Variants in MGA observed in about 807,000 individuals in gnomAD.
MGA encodes MAX gene-associated protein.
Under a neutral mutation model 261.1 loss-of-function variants are expected in MGA, and 40 were observed. The observed-to-expected ratio is 0.15, with a 90% CI of 0.12 to 0.20. The LOEUF is 0.20. Ranked by LOEUF, MGA falls within the 10% of genes least tolerant of loss-of-function variation. The pLI is 1.00. For synonymous variants in MGA, 1,302 were observed against 1,290.6 expected, an observed-to-expected ratio of 1.01 and a Z score of -0.19; for missense variants, 3,397 against 3,630.5, an observed-to-expected ratio of 0.94 and a Z score of 1.65.
rs1220927974 is a variant in MGA, at chr15:41,742,701, G to C, written c.4741G>C (p.Val1581Leu). ...TTCTCCAGTAATGGTCGTCACACCT[G>C]TGGTTTCTTCTGAGCCAGTTCAGGT... is the stretch of plus-strand genomic sequence containing the variant. Residue 1581 changes from valine (V) to leucine (L), a missense_variant, in exon 15 of 24, where the codon GTG becomes CTG. Val to Leu is a conservative substitution (Grantham distance 32, BLOSUM62 1). This residue lies in a region of MGA where 1,410 missense variants were observed against 1,386.4 expected (regional missense o/e 1.02). Transcript: ENST00000219905. 1 of 1,614,002 alleles carries C rather than the reference G, an allele frequency of 6.2e-7. No individual in the cohort carries two copies.
At chr15:41,698,303 G>A (rs1343519555) in intron 3 of MGA, among the ~76,000 whole-genome samples, 2 of 151,320 alleles carry the variant, frequency 1.3e-5, no homozygotes, top group Non-Finnish European at 2.9e-5. Context: ...CGAGTAGCTG[G>A]GACTACAGGT....
At chr15:41,723,383 G>A (rs1423072718) in intron 9 of MGA, among the ~76,000 whole-genome samples, 1 of 152,062 alleles carries the variant, frequency 6.6e-6, no homozygotes, top group Non-Finnish European at 1.5e-5. Context: ...GCCAATGATG[G>A]TCCTGGTTTT....
In MGA at chr15:41,696,728, T is replaced by G. The variant is rs1309481091; in HGVS notation, c.1718T>G (p.Val573Gly). ...ATACTCGACGATTCAAAGGATTCAGTTGGAGACTCACTTTCAGGAAAAGAG... is the reference window on the plus strand; with the variant it reads ...ATACTCGACGATTCAAAGGATTCAGGTGGAGACTCACTTTCAGGAAAAGAG... The change falls in exon 3 of 24, where the codon GTT (valine) becomes GGT (glycine). Residue 573 changes from valine to glycine, a missense_variant. Val to Gly is a moderately radical substitution (Grantham distance 109). Transcript: ENST00000219905. 2 of 1,612,178 alleles carry G rather than the reference T, an allele frequency of 1.2e-6. No homozygotes were observed. Among genetic ancestry groups the G allele is most frequent in the African/African-American group, 1.3e-5 (1 of 74,894 alleles).
intron 1 of MGA, among the ~76,000 whole-genome samples, chr15:41,643,388 G>A (rs937869837): frequency 2.6e-5 from 4 of 151,666 alleles, no homozygotes; most frequent in East Asian, 1.9e-4. Context: ...CTATAGGCAC[G>A]TGCCACCATG....
At chr15:41,691,024 T>A (rs2059257308) in intron 2 of MGA, among the ~76,000 whole-genome samples, 1 of 142,164 alleles carries the variant, frequency 7.0e-6, no homozygotes, top group Admixed American at 7.3e-5. Context: ...GTGGCTCCCT[T>A]GCATTTTCTT....
chr15:41,638,383 T>C lies in MGA; in HGVS notation c.-68+17085T>C, dbSNP rs534059821. Among the ~76,000 whole-genome samples the C allele has an allele frequency of 1.4e-3, 212 of 151,512 alleles. 1 individual carries two copies. The highest frequency in any genetic ancestry group is 1.6e-3 in the Admixed American group (24 of 15,146). The stretch of plus-strand genomic sequence containing the variant: ...TAAAATATGCTAGAATTTTTTTTTT[T>C]TTGAGACAATCTTGCTCTGTCACCC... On this transcript the variant is annotated intron_variant, in intron 1 of 8. Transcript: ENST00000566718.
At chr15:41,726,526 C>G (rs146155608) in intron 9 of MGA, among the ~76,000 whole-genome samples, 3 of 152,084 alleles carry the variant, frequency 2.0e-5, no homozygotes, top group African/African-American at 7.2e-5. Context: ...GCCAGGAGTT[C>G]GAGACCAGCC....
chr15:41,632,924 T>C (rs1595544156), intron 1 of MGA, among the ~76,000 whole-genome samples: 1 of 151,968 alleles, frequency 6.6e-6, no homozygotes, highest in South Asian at 2.1e-4. Context: ...AAACTTTATA[T>C]ATAGACACTG....
rs2063888139 is a variant in MGA, at chr15:41,768,098, T to C, written c.*818T>C. ...CAAATTACGTTACTCAAGAGACAGC[T>C]AAAATAAAATGCATTATCTCCCCAG... On this transcript the variant is annotated 3_prime_UTR_variant, in exon 24 of 24. Coordinates refer to ENST00000219905, the MANE Select transcript of MGA (RefSeq NM_001164273.2). 6.6e-6 allele frequency: 1 copy of C among 152,570 alleles called. No individual in the cohort carries two copies. The highest frequency in any genetic ancestry group is 1.5e-5 in the Non-Finnish European group (1 of 68,024). 9.5% of individuals were successfully genotyped at this position (152,570 alleles called of 1,614,324 possible).
intron 1 of MGA, among the ~76,000 whole-genome samples, chr15:41,651,107 T>C (rs1401357799): frequency 6.6e-6 from 1 of 152,116 alleles, no homozygotes; most frequent in East Asian, 1.9e-4. Context: ...ACTGACTTTA[T>C]AACAACCCAC....
chr15:41,718,509 G>A (rs1164015304), intron 9 of MGA: 2 of 537,706 alleles, frequency 3.7e-6, no homozygotes, highest in Admixed American at 2.7e-5. Flanking sequence ...GCACTGCTCT[G>A]TAGTCTTGTA....
intron 2 of MGA, among the ~76,000 whole-genome samples, chr15:41,671,479 A>G (rs1442913307): frequency 1.3e-5 from 2 of 151,960 alleles, no homozygotes; most frequent in African/African-American, 4.8e-5. Flanking sequence ...GTGTGCCACC[A>G]TGCCCGGCTA....
chr15:41,739,729 A>G (rs2061987432), intron 13 of MGA, among the ~76,000 whole-genome samples, 177 bp from the exon 14 acceptor site: 1 of 152,190 alleles, frequency 6.6e-6, no homozygotes, highest in Non-Finnish European at 1.5e-5. Flanking sequence ...AGTTGACAGC[A>G]TTTTTCTACC....
rs762943044 is a variant in MGA, at chr15:41,696,798, C to T, written c.1788C>T (p.Ala596=). Reference sequence around the variant, plus strand: ...CAACTATGCTTAAGATTGCAACAGCCGCAAAGGTAGTGAATGCTAATCAGA... The same window carrying T: ...CAACTATGCTTAAGATTGCAACAGCTGCAAAGGTAGTGAATGCTAATCAGA... Residue 596 remains alanine (A), a synonymous_variant, in exon 3 of 24, where the codon GCC becomes GCT. Transcript: ENST00000219905. 27 of 1,603,952 alleles carry T rather than the reference C, an allele frequency of 1.7e-5. No homozygotes were observed. The highest frequency in any genetic ancestry group is 8.0e-5 in the African/African-American group (6 of 74,776).
chr15:41,729,394 G>GT, intron 11 of MGA, 45 bp downstream of exon 11: 1 of 1,539,140 alleles, frequency 6.5e-7, no homozygotes, highest in Non-Finnish European at 8.9e-7. Flanking sequence ...CTGATTACCT[G>GT]TTTTTGGTAT....
intron 2 of MGA, among the ~76,000 whole-genome samples, chr15:41,686,446 G>A (rs1466262643): frequency 6.6e-6 from 1 of 152,188 alleles, no homozygotes; most frequent in Admixed American, 6.5e-5. Flanking sequence ...TGGGAGGATT[G>A]CTTGAGTTGA....
chr15:41,723,167 T>G (rs1325092124), intron 9 of MGA, among the ~76,000 whole-genome samples: 3 of 152,196 alleles, frequency 2.0e-5, no homozygotes, highest in East Asian at 1.9e-4. Context: ...CTGCTGAGTG[T>G]TGTTCTTTTT....
At chr15:41,708,762 T>A (rs114814048) in intron 7 of MGA, among the ~76,000 whole-genome samples, 2,092 of 152,328 alleles carry the variant, frequency 0.014, 55 homozygotes, top group African/African-American at 0.048. Flanking sequence ...TATTTCTGTT[T>A]CTGCAGTTAC....
intron 1 of MGA, among the ~76,000 whole-genome samples, chr15:41,652,740 C>T (rs934251718): frequency 2.0e-5 from 3 of 152,048 alleles, no homozygotes; most frequent in Admixed American, 6.6e-5. Flanking sequence ...TCTGTCTTTT[C>T]AATCAGAGCT....
Sources: allele counts gnomAD v4.1 joint callset (sites outside exome capture counted in the v4.1 genomes callset), GRCh38; gene constraint gnomAD v4.1.1; regional missense constraint gnomAD v4.1.1; transcripts MANE v1.5; gene names NCBI Gene and HGNC (gene_info 2026-07-23, HGNC 2026-07-21).